NFIB: variants seen among roughly 807,000 people sequenced by gnomAD.
NFIB encodes nuclear factor I B.
In NFIB, 11 loss-of-function variants were observed where a neutral mutation model predicts 61.5. The observed-to-expected ratio is 0.18, with a 90% CI of 0.11 to 0.30. NFIB has a LOEUF of 0.30. Among genes scored for constraint, NFIB ranks in the 10% least tolerant of loss-of-function variants. The pLI, the probability that NFIB is intolerant of heterozygous loss-of-function variation, is 1.00. For synonymous variants in NFIB, 260 were observed against 216.5 expected, an observed-to-expected ratio of 1.20 and a Z score of -1.76; for missense variants, 471 against 608.9, an observed-to-expected ratio of 0.77 and a Z score of 2.38.
At chr9:14,093,857 G>A (rs1436828893) in intron 10 of NFIB, among the ~76,000 whole-genome samples, 1 of 151,950 alleles carries the variant, frequency 6.6e-6, no homozygotes. Flanking sequence ...ACCAGTAGAA[G>A]GAACAAACAC....
intron 1 of NFIB, among the ~76,000 whole-genome samples, chr9:14,322,891 C>T (rs1158771345): frequency 1.3e-5 from 2 of 151,720 alleles, no homozygotes; most frequent in African/African-American, 4.8e-5. Flanking sequence ...AGGCTCCGCG[C>T]GCCTTTGTGC....
At chr9:14,504,080 T>C in the NFIB span, among the ~76,000 whole-genome samples, 3 of 152,218 alleles carry the variant, frequency 2.0e-5, no homozygotes, top group Non-Finnish European at 4.4e-5. Context: ...ATGATGTCCT[T>C]TCCCCACTTT....
At chr9:14,225,093 T>C (rs940839691) in intron 2 of NFIB, among the ~76,000 whole-genome samples, 23 of 152,096 alleles carry the variant, frequency 1.5e-4, no homozygotes, top group Admixed American at 7.2e-4. Flanking sequence ...CCTCCCCACC[T>C]CAGCACCATT....
At chr9:14,119,683 A>G (rs1191042560) in intron 8 of NFIB, among the ~76,000 whole-genome samples, 1 of 152,184 alleles carries the variant, frequency 6.6e-6, no homozygotes, top group East Asian at 1.9e-4. Flanking sequence ...TCCTAATATC[A>G]AAATTACATT....
chr9:14,354,663 G>C, intron 1 of NFIB, among the ~76,000 whole-genome samples: 1 of 152,154 alleles, frequency 6.6e-6, no homozygotes, highest in East Asian at 1.9e-4. Context: ...GTCGCTGAGG[G>C]TTTTTCTCTC....
chr9:14,461,017 C>T, the NFIB span, among the ~76,000 whole-genome samples: 2 of 128,586 alleles, frequency 1.6e-5, no homozygotes, highest in Non-Finnish European at 3.6e-5. Context: ...ACTTCTTTTC[C>T]CTTCCTCCGT....
In NFIB at chr9:14,246,745, T is replaced by C. The variant is rs75634420; in HGVS notation, c.562+60244A>G. The stretch of plus-strand genomic sequence containing the variant: ...AGTGCTAACAGGCTAGAGTGAAATA[T>C]CAAGGTATATGTGTGGTTCACAGAA... On this transcript the variant is annotated intron_variant, in intron 2 of 10. Transcript: ENST00000380953. 4.5e-3 allele frequency among the ~76,000 whole-genome samples: 678 copies of C among 152,298 alleles called. 4 individuals are homozygous for C. The highest frequency in any genetic ancestry group is 5.6e-3 in the Non-Finnish European group (383 of 68,034).
chr9:14,393,165 A>G (rs2061645074), intron 1 of NFIB, among the ~76,000 whole-genome samples: 1 of 143,908 alleles, frequency 6.9e-6, no homozygotes, highest in African/African-American at 2.6e-5. Flanking sequence ...CCTTCTAATA[A>G]CTTTCTTCCA....
chr9:14,175,167 C>CTTTTT lies in NFIB; in HGVS notation c.616+4555_616+4559dup, dbSNP rs55765054. On this transcript the variant is annotated intron_variant, in intron 3 of 10. Coordinates refer to ENST00000380953, the MANE Select transcript of NFIB (RefSeq NM_001190737.2). ...AAAATTTTTATGACTTAAAGAATTT[C>CTTTTT]TTTTTTTTTTTTTTTTTTTTGAGAT... Among the ~76,000 whole-genome samples, 190 of 126,034 alleles carry CTTTTT rather than the reference C, an allele frequency of 1.5e-3. 14 individuals are homozygous for CTTTTT. The highest frequency in any genetic ancestry group is 6.0e-3 in the African/African-American group (183 of 30,534). 82.7% of individuals were successfully genotyped at this position (126,034 alleles called of 152,430 possible).
the NFIB span, among the ~76,000 whole-genome samples, chr9:14,529,557 T>C: frequency 6.6e-6 from 1 of 152,174 alleles, no homozygotes; most frequent in Non-Finnish European, 1.5e-5. Flanking sequence ...GTAACCGCCA[T>C]GTATTCTGTC....
chr9:14,335,973 T>C (rs1381360833), intron 1 of NFIB, among the ~76,000 whole-genome samples: 1 of 152,214 alleles, frequency 6.6e-6, no homozygotes, highest in East Asian at 1.9e-4. Context: ...CCAAAGTCAG[T>C]TTTCCACATA....
chr9:14,230,492 G>A (rs973930108), intron 2 of NFIB, among the ~76,000 whole-genome samples: 1 of 152,208 alleles, frequency 6.6e-6, no homozygotes, highest in African/African-American at 2.4e-5. Context: ...CTCCTAGAAT[G>A]TAAGTCCCAT....
At chr9:14,504,868 G>A in the NFIB span, among the ~76,000 whole-genome samples, 1 of 152,138 alleles carries the variant, frequency 6.6e-6, no homozygotes, top group Non-Finnish European at 1.5e-5. Flanking sequence ...CCAGTACTAT[G>A]TTGAATAGAA....
At chr9:14,327,176 G>A (rs1043690575) in intron 1 of NFIB, among the ~76,000 whole-genome samples, 1 of 152,146 alleles carries the variant, frequency 6.6e-6, no homozygotes, top group African/African-American at 2.4e-5. Context: ...CAGGATGCAC[G>A]AAAGCGCTAG....
At chr9:14,477,572 G>T in the NFIB span, among the ~76,000 whole-genome samples, 1 of 152,192 alleles carries the variant, frequency 6.6e-6, no homozygotes, top group East Asian at 1.9e-4. Flanking sequence ...TTGCCATGGA[G>T]ATTCATTTGG....
chr9:14,289,160 T>A (rs1467594820), intron 2 of NFIB, among the ~76,000 whole-genome samples: 1 of 148,002 alleles, frequency 6.8e-6, no homozygotes, highest in Admixed American at 6.8e-5. Context: ...ATATTTGGTA[T>A]GCCAAATATA....
At chr9:14,202,131 C>CACAG (rs1259021857) in intron 2 of NFIB, among the ~76,000 whole-genome samples, 1 of 132,438 alleles carries the variant, frequency 7.6e-6, no homozygotes, top group Non-Finnish European at 1.6e-5. Context: ...ATACTTTTCA[C>CACAG]ACACACACAC....
the NFIB span, among the ~76,000 whole-genome samples, chr9:14,494,390 T>C: frequency 0.41 from 62,001 of 151,986 alleles, 14,270 homozygotes; most frequent in African/African-American, 0.61. Flanking sequence ...TTGTACTGTA[T>C]ACATGCCAAA....
chr9:14,121,193 G>C (rs1429158833), intron 7 of NFIB, among the ~76,000 whole-genome samples: 1 of 152,260 alleles, frequency 6.6e-6, no homozygotes, highest in Admixed American at 6.5e-5. Flanking sequence ...GAATCCAGTA[G>C]ACGGAGGTTG....
Sources: allele counts gnomAD v4.1 joint callset (sites outside exome capture counted in the v4.1 genomes callset), GRCh38; gene constraint gnomAD v4.1.1; transcripts MANE v1.5; gene names NCBI Gene and HGNC (gene_info 2026-07-23, HGNC 2026-07-21).